The following JAZF1 variants were observed in gnomAD, a reference collection of about 807,000 sequenced individuals.
The protein encoded by JAZF1 is juxtaposed with another zinc finger protein 1.
In JAZF1, 8 loss-of-function variants were observed where a neutral mutation model predicts 26.4. That is an observed-to-expected ratio of 0.30 (90% CI 0.18 to 0.55). The LOEUF (loss-of-function observed/expected upper bound fraction) is 0.55, where lower values mean the gene tolerates loss of function less well. Ranked by LOEUF, JAZF1 falls within the 20% of genes least tolerant of loss-of-function variation. The pLI is 0.94. For synonymous variants in JAZF1, 126 were observed against 122.3 expected, an observed-to-expected ratio of 1.03 and a Z score of -0.20; for missense variants, 199 against 322.0, an observed-to-expected ratio of 0.62 and a Z score of 2.92.
chr7:28,106,872 C>T (rs1784561389), intron 1 of JAZF1, among the ~76,000 whole-genome samples: 1 of 152,228 alleles, frequency 6.6e-6, no homozygotes, highest in African/African-American at 2.4e-5. Context: ...CAGACTTTTA[C>T]ACTTTCATCT....
At chr7:28,026,245 T>C (rs1783091489) in intron 1 of JAZF1, among the ~76,000 whole-genome samples, 2 of 152,192 alleles carry the variant, frequency 1.3e-5, no homozygotes, top group Admixed American at 1.3e-4. Context: ...GAATAAAAGC[T>C]ACAAAAGTAT....
intron 3 of JAZF1, among the ~76,000 whole-genome samples, chr7:27,851,197 C>A (rs1418184617): frequency 6.6e-6 from 1 of 152,194 alleles, no homozygotes; most frequent in African/African-American, 2.4e-5. Flanking sequence ...CCCGCCTCGG[C>A]CTCCCAAAGT....
rs116797781 is a variant in JAZF1, at chr7:28,130,721, T to C, written c.115+49742A>G. Among the ~76,000 whole-genome samples, 320 of 152,350 alleles carry C rather than the reference T, an allele frequency of 2.1e-3. 2 individuals are homozygous for C. The highest frequency in any genetic ancestry group is 7.1e-3 in the African/African-American group (296 of 41,576). On this transcript the variant is annotated intron_variant, in intron 1 of 4. Coordinates refer to ENST00000283928, the MANE Select transcript of JAZF1 (RefSeq NM_175061.4). ...AAGCTCTATGTAGACTGTCGAGTGG[T>C]ACTCCAATGTGATCAGGAGTCTAAT...
chr7:27,920,767 A>C (rs1784515037), intron 2 of JAZF1, among the ~76,000 whole-genome samples: 1 of 152,220 alleles, frequency 6.6e-6, no homozygotes, highest in Non-Finnish European at 1.5e-5. Context: ...TGCTAAGATA[A>C]ATTACCATAA....
At chr7:27,917,015 G>T (rs1171547362) in intron 2 of JAZF1, among the ~76,000 whole-genome samples, 1 of 152,216 alleles carries the variant, frequency 6.6e-6, no homozygotes, top group African/African-American at 2.4e-5. Context: ...GAGGTGGGAG[G>T]ATTCCTTGAG....
chr7:27,849,240 G>A (rs901943608), intron 3 of JAZF1, among the ~76,000 whole-genome samples: 3 of 152,202 alleles, frequency 2.0e-5, no homozygotes, highest in African/African-American at 7.2e-5. Context: ...CACACGTGAC[G>A]TTCAGTGTGT....
chr7:28,142,763 T>C (rs1012208084), intron 1 of JAZF1, among the ~76,000 whole-genome samples: 3 of 152,162 alleles, frequency 2.0e-5, no homozygotes, highest in Admixed American at 6.5e-5. Context: ...TACTTCTGGG[T>C]AGGACAACAA....
chr7:28,152,492 C>A (rs1263106865), intron 1 of JAZF1, among the ~76,000 whole-genome samples: 3 of 152,178 alleles, frequency 2.0e-5, no homozygotes, highest in African/African-American at 7.2e-5. Flanking sequence ...AACTCTACTG[C>A]ATTTCTTCTA....
intron 1 of JAZF1, among the ~76,000 whole-genome samples, chr7:28,127,868 C>G (rs1782722221): frequency 6.6e-6 from 1 of 152,120 alleles, no homozygotes; most frequent in Non-Finnish European, 1.5e-5. Context: ...TGCTCACTAT[C>G]ATGAGAACAG....
Position 28,025,129 on chromosome 7 carries a change from G to A in JAZF1, c.116-33148C>T, listed in dbSNP as rs139298108. Among the ~76,000 whole-genome samples, 1,016 of 152,264 alleles carry A rather than the reference G, an allele frequency of 6.7e-3. 37 individuals carry two copies. Among genetic ancestry groups the A allele is most frequent in the Admixed American group, 0.045 (695 of 15,288 alleles). Reference sequence around the variant, plus strand: ...ACCTGGTGACCCAGCAACAATGTCCGTTGAGTGTCCAGGGCTGTTACTGGC... The same window carrying A: ...ACCTGGTGACCCAGCAACAATGTCCATTGAGTGTCCAGGGCTGTTACTGGC... On this transcript the variant is annotated intron_variant, in intron 1 of 4. Transcript: ENST00000283928.
intron 2 of JAZF1, among the ~76,000 whole-genome samples, chr7:27,929,296 A>G (rs767404564): frequency 1.3e-5 from 2 of 152,136 alleles, no homozygotes; most frequent in African/African-American, 4.8e-5. Context: ...CCCACAGCAT[A>G]TCGGGTGCTG....
At chr7:27,956,797 C>T (rs968233733) in intron 2 of JAZF1, among the ~76,000 whole-genome samples, 1 of 152,204 alleles carries the variant, frequency 6.6e-6, no homozygotes, top group African/African-American at 2.4e-5. Context: ...GGACATCTGC[C>T]TCCATGGCTG....
Position 28,031,458 on chromosome 7 carries a change from T to G in JAZF1, c.116-39477A>C, listed in dbSNP as rs139443679. Among the ~76,000 whole-genome samples, 56 of 152,288 alleles carry G rather than the reference T, an allele frequency of 3.7e-4. No individual in the cohort carries two copies. In the East Asian group the frequency reaches 0.01, roughly 28 times the overall value. On this transcript the variant is annotated intron_variant, in intron 1 of 4. Transcript: ENST00000283928. Reference sequence around the variant, plus strand: ...AATATCCCACCCCTCAGCCCCAGATTGCTTCTGAGACTAGGAAGCAGAGAG... The same window carrying G: ...AATATCCCACCCCTCAGCCCCAGATGGCTTCTGAGACTAGGAAGCAGAGAG...
chr7:27,941,174 A>G (rs1784840795), intron 2 of JAZF1, among the ~76,000 whole-genome samples: 2 of 152,232 alleles, frequency 1.3e-5, no homozygotes, highest in Admixed American at 6.5e-5. Context: ...TAGCTGCACC[A>G]AATGAGCCTT....
chr7:28,015,026 A>AGTGTGTGTGT (rs1169896668), intron 1 of JAZF1, among the ~76,000 whole-genome samples: 3 of 116,422 alleles, frequency 2.6e-5, no homozygotes, highest in African/African-American at 1.0e-4. Context: ...AAAAGCAGAA[A>AGTGTGTGTGT]GTGTGTATGT....
chr7:28,041,246 T>C (rs991573296), intron 1 of JAZF1, among the ~76,000 whole-genome samples: 10 of 152,124 alleles, frequency 6.6e-5, no homozygotes, highest in African/African-American at 1.7e-4. Flanking sequence ...TGGGTGTGAG[T>C]GCACGAGTGT....
intron 1 of JAZF1, among the ~76,000 whole-genome samples, chr7:28,149,318 G>T (rs891297729): frequency 6.6e-6 from 1 of 152,156 alleles, no homozygotes; most frequent in African/African-American, 2.4e-5. Context: ...TGGAAAAAGT[G>T]CCAAAGAAGT....
intron 1 of JAZF1, among the ~76,000 whole-genome samples, chr7:28,051,812 T>C (rs1783622464): frequency 6.6e-6 from 1 of 152,118 alleles, no homozygotes; most frequent in South Asian, 2.1e-4. Flanking sequence ...AATCAACTAG[T>C]AACTCAGAGA....
chr7:28,033,885 G>A (rs924975356), intron 1 of JAZF1, among the ~76,000 whole-genome samples: 2 of 152,122 alleles, frequency 1.3e-5, no homozygotes, highest in Non-Finnish European at 2.9e-5. Flanking sequence ...CTGGATTACA[G>A]GCACCGCCAC....
Sources: allele counts gnomAD v4.1 joint callset (sites outside exome capture counted in the v4.1 genomes callset), GRCh38; gene constraint gnomAD v4.1.1; transcripts MANE v1.5; gene names NCBI Gene and HGNC (gene_info 2026-07-23, HGNC 2026-07-21).